The following SNTB1 variants were observed in gnomAD, a reference collection of about 807,000 sequenced individuals.
SNTB1 encodes syntrophin beta 1.
Under a neutral mutation model 48.9 loss-of-function variants are expected in SNTB1, and 36 were observed. The ratio of observed to expected loss-of-function variants is 0.74; its 90% CI spans 0.56 to 0.97. The LOEUF is 0.97. Ranked by LOEUF, SNTB1 falls within the 50% of genes least tolerant of loss-of-function variation. SNTB1 has a pLI of 0.00. For missense variants in SNTB1, 786 were observed against 703.4 expected (o/e 1.12, Z -1.33); for synonymous variants, 299 against 294.6 (o/e 1.01, Z -0.15).
chr8:120,635,925 TA>T, intron 2 of SNTB1: 1 of 468,140 alleles, frequency 2.1e-6, no homozygotes, highest in Non-Finnish European at 3.9e-6. Context: ...TCCTTTTTGC[TA>T]ACCGAATCTT....
At chr8:120,778,687 A>G (rs1408763114) in intron 1 of SNTB1, among the ~76,000 whole-genome samples, 1 of 152,230 alleles carries the variant, frequency 6.6e-6, no homozygotes, top group Non-Finnish European at 1.5e-5. Flanking sequence ...CTGAGTCTTC[A>G]TTGCCATCAA....
In SNTB1 at chr8:120,707,926, T is replaced by C. The variant is rs927467472; in HGVS notation, c.572-14018A>G. On this transcript the variant is annotated intron_variant, in intron 1 of 6. Coordinates refer to ENST00000517992, the MANE Select transcript of SNTB1 (RefSeq NM_021021.4). ...GGACTAAATTAATAAACATACTCTG[T>C]GACAATTACATCAGAATTGATGTTA... Among the ~76,000 whole-genome samples, 9 of 152,024 alleles carry C rather than the reference T, an allele frequency of 5.9e-5. No individual in the cohort carries two copies. In the East Asian group the frequency reaches 1.7e-3, roughly 29 times the overall value.
rs764412862 is a variant in SNTB1, at chr8:120,811,453, T to C, written c.391A>G (p.Lys131Glu). ...GGLGISIKGG[K>E]ENKMPILISK... ...ATGAGGATGGGCATCTTGTTCTCCT[T>C]GCCCCCCTTGATGCTGATCCCCAGC... The change falls in exon 1 of 7, where the codon AAG (lysine) becomes GAG (glutamate). Residue 131 changes from lysine to glutamate, a missense_variant. Coordinates refer to ENST00000517992, the MANE Select transcript of SNTB1 (RefSeq NM_021021.4). The C allele has an allele frequency of 1.5e-5, 25 of 1,613,934 alleles. No homozygotes were observed. The highest frequency in any genetic ancestry group is 2.0e-5 in the Non-Finnish European group (24 of 1,179,928).
At chr8:120,800,784 C>A (rs1211066437) in intron 1 of SNTB1, among the ~76,000 whole-genome samples, 1 of 151,980 alleles carries the variant, frequency 6.6e-6, no homozygotes, top group African/African-American at 2.4e-5. Flanking sequence ...TCTAAGAAAT[C>A]TAATCATAGA....
chr8:120,768,542 A>C (rs1352102930), intron 1 of SNTB1: 1 of 152,186 alleles, frequency 6.6e-6, no homozygotes, highest in East Asian at 1.9e-4. Context: ...CACATACACT[A>C]TGCAAGATGC....
chr8:120,774,624 G>A (rs1017520053), intron 1 of SNTB1, among the ~76,000 whole-genome samples: 6 of 152,078 alleles, frequency 3.9e-5, no homozygotes, highest in Admixed American at 3.9e-4. Flanking sequence ...CCAAAGAAGA[G>A]GAGGGTTTGT....
intron 1 of SNTB1, among the ~76,000 whole-genome samples, chr8:120,766,639 T>C (rs1392935722): frequency 6.6e-6 from 1 of 152,184 alleles, no homozygotes; most frequent in Non-Finnish European, 1.5e-5. Flanking sequence ...GAATAAGACA[T>C]AGTGTATCTT....
At chr8:120,760,587 T>C (rs1001033136) in intron 1 of SNTB1, among the ~76,000 whole-genome samples, 1 of 152,168 alleles carries the variant, frequency 6.6e-6, no homozygotes, top group African/African-American at 2.4e-5. Flanking sequence ...CTGCTGAAGC[T>C]TAACCAGGTT....
At chr8:120,653,291 A>G (rs979113295) in intron 2 of SNTB1, among the ~76,000 whole-genome samples, 7 of 152,174 alleles carry the variant, frequency 4.6e-5, no homozygotes, top group African/African-American at 1.7e-4. Flanking sequence ...TGAGAGTGCT[A>G]TTATAAGAGA....
At chr8:120,764,092 T>C (rs1490055955) in intron 1 of SNTB1, among the ~76,000 whole-genome samples, 1 of 152,232 alleles carries the variant, frequency 6.6e-6, no homozygotes, top group Non-Finnish European at 1.5e-5. Flanking sequence ...GGAGTACTTT[T>C]ACACAAACAC....
intron 2 of SNTB1, 105 bp downstream of exon 2, chr8:120,693,587 C>A: frequency 2.2e-6 from 2 of 898,524 alleles, no homozygotes; most frequent in Non-Finnish European, 3.6e-6. Context: ...TCTTTGGAAG[C>A]CATGATGTGT....
At chr8:120,556,345 C>T (rs924486527) in intron 4 of SNTB1, among the ~76,000 whole-genome samples, 1 of 152,130 alleles carries the variant, frequency 6.6e-6, no homozygotes, top group Non-Finnish European at 1.5e-5. Flanking sequence ...TAAAGATCTT[C>T]CTCCAGAGAG....
At chr8:120,584,662 T>C (rs1196618186) in intron 3 of SNTB1, among the ~76,000 whole-genome samples, 1 of 152,044 alleles carries the variant, frequency 6.6e-6, no homozygotes, top group Admixed American at 6.5e-5. Flanking sequence ...TTAAACTGTG[T>C]TCCCCCAAAT....
At chr8:120,636,296 G>T in intron 2 of SNTB1, among the ~76,000 whole-genome samples, 1 of 148,484 alleles carries the variant, frequency 6.7e-6, no homozygotes, top group African/African-American at 2.5e-5. Context: ...CATTGTGCAG[G>T]TTAGTTACAT....
intron 3 of SNTB1, among the ~76,000 whole-genome samples, chr8:120,598,382 T>G (rs1042152161): frequency 6.6e-6 from 1 of 152,216 alleles, no homozygotes; most frequent in African/African-American, 2.4e-5. Context: ...GAGGCCAAAC[T>G]TTCTTCATCC....
At chr8:120,741,233 T>A (rs1477729313) in intron 1 of SNTB1, among the ~76,000 whole-genome samples, 1 of 152,236 alleles carries the variant, frequency 6.6e-6, no homozygotes, top group Non-Finnish European at 1.5e-5. Context: ...AGTCATTGAT[T>A]TTCTTTCTTT....
Position 120,812,026 on chromosome 8 carries a change from C to T in SNTB1, c.-183G>A, listed in dbSNP as rs1210041884. 1 of 1,263,260 alleles carries T rather than the reference C, an allele frequency of 7.9e-7. No individual in the cohort carries two copies. Among genetic ancestry groups the T allele is most frequent in the Non-Finnish European group, 9.9e-7 (1 of 1,009,754 alleles). The allele number at this position is 1,263,260 out of a possible 1,614,324, so 78.3% of individuals were successfully genotyped here. A position where few individuals can be genotyped will look rare whatever the true frequency, so the allele number is the denominator to read the frequency against. Reference sequence around the variant, plus strand: ...CTCGGCGGGAGTTGGCAGCTGCACTCAGGCTGGTTCCCCCTCGCCTGATCC... The same window carrying T: ...CTCGGCGGGAGTTGGCAGCTGCACTTAGGCTGGTTCCCCCTCGCCTGATCC... On this transcript the variant is annotated 5_prime_UTR_variant, in exon 1 of 7. Transcript: ENST00000517992.
chr8:120,602,669 T>C (rs1816439889), intron 3 of SNTB1, among the ~76,000 whole-genome samples: 1 of 152,176 alleles, frequency 6.6e-6, no homozygotes, highest in South Asian at 2.1e-4. Flanking sequence ...TACACACACA[T>C]CCTATTGCTC....
At chr8:120,612,673 C>T (rs189380100) in intron 3 of SNTB1, among the ~76,000 whole-genome samples, 3 of 152,282 alleles carry the variant, frequency 2.0e-5, no homozygotes, top group East Asian at 1.9e-4. Flanking sequence ...CCTGCCTCAG[C>T]CTCCCTAGTA....
Sources: gnomAD v4.1 joint callset for allele counts (sites outside exome capture counted in the v4.1 genomes callset) on GRCh38, gnomAD v4.1.1 for gene constraint, MANE v1.5 for transcripts, NCBI Gene and HGNC (gene_info 2026-07-23, HGNC 2026-07-21) for gene names.